Variants in IL36B observed in about 807,000 individuals in gnomAD.
IL36B encodes interleukin 36 beta.
In IL36B, 23 loss-of-function variants were observed where a neutral mutation model predicts 19.3. That is an observed-to-expected ratio of 1.19 (90% CI 0.86 to 1.69). IL36B has a LOEUF of 1.69. Ranked by LOEUF, IL36B falls within the 40% of genes most tolerant of loss-of-function variation. IL36B has a pLI of 0.00. For missense variants in IL36B, 217 were observed against 200.5 expected (o/e 1.08, Z -0.50); for synonymous variants, 59 against 59.7 (o/e 0.99, Z 0.05).
intron 1 of IL36B, among the ~76,000 whole-genome samples, chr2:113,032,644 C>T (rs1685100370): frequency 6.6e-6 from 1 of 152,162 alleles, no homozygotes; most frequent in Admixed American, 6.5e-5. Context: ...GGGTTCTAAG[C>T]AGCAGAAGTT....
intron 1 of IL36B, among the ~76,000 whole-genome samples, chr2:113,034,225 G>C (rs1351929347): frequency 6.6e-6 from 1 of 152,106 alleles, no homozygotes; most frequent in Non-Finnish European, 1.5e-5. Context: ...GGATTCTGCT[G>C]ATTTTCTTGC....
chr2:113,023,478 C>T (rs1385815257), intron 5 of IL36B, among the ~76,000 whole-genome samples: 1 of 152,136 alleles, frequency 6.6e-6, no homozygotes, highest in Non-Finnish European at 1.5e-5. Flanking sequence ...CTGTAATCTG[C>T]AAAATTTAAC....
At chr2:113,027,634 GGGCAT>G in intron 4 of IL36B, 1 of 1,286,072 alleles carries the variant, frequency 7.8e-7, no homozygotes, top group Non-Finnish European at 9.9e-7. Context: ...TGACTAAACT[GGGCAT>G]GGCAGCTGAG....
chr2:113,030,779 C>G (rs1206995520), intron 3 of IL36B, among the ~76,000 whole-genome samples: 1 of 152,154 alleles, frequency 6.6e-6, no homozygotes, highest in Non-Finnish European at 1.5e-5. Flanking sequence ...AGAAGGTTAG[C>G]TGTTGTTTGA....
At chr2:113,042,890 A>G (rs1397627172) in intron 1 of IL36B, among the ~76,000 whole-genome samples, 2 of 151,948 alleles carry the variant, frequency 1.3e-5, no homozygotes, top group Non-Finnish European at 2.9e-5. Context: ...CATTTTCATC[A>G]CTATTATGTG....
At chr2:113,044,014 A>AT (rs1368856421) in intron 1 of IL36B, among the ~76,000 whole-genome samples, 3 of 152,190 alleles carry the variant, frequency 2.0e-5, no homozygotes, top group African/African-American at 7.2e-5. Flanking sequence ...GCCTGCTAGG[A>AT]TTTTGACTGG....
At chr2:113,035,903 G>A (rs1016067639) in intron 1 of IL36B, among the ~76,000 whole-genome samples, 5 of 152,136 alleles carry the variant, frequency 3.3e-5, no homozygotes, top group African/African-American at 1.2e-4. Flanking sequence ...ATTTGGTGGG[G>A]AAGAAATGGT....
chr2:113,036,940 C>T (rs901922900), intron 1 of IL36B, among the ~76,000 whole-genome samples: 7 of 151,180 alleles, frequency 4.6e-5, no homozygotes, highest in East Asian at 1.9e-4. Context: ...TGCGCTGCTC[C>T]GATTCTCCAG....
chr2:113,027,442 G>T, intron 4 of IL36B: 3 of 1,008,738 alleles, frequency 3.0e-6, no homozygotes, highest in Non-Finnish European at 3.6e-6. Context: ...ATTAGGATTA[G>T]AAAGACATGC....
chr2:113,031,080 A>G lies in IL36B; in HGVS notation c.89T>C (p.Ile30Thr). 6.2e-7 allele frequency: 1 copy of G among 1,613,878 alleles called. No individual in the cohort carries two copies. The change falls in exon 3 of 6, where the codon ATA becomes ACA. Residue 30 changes from isoleucine (I) to threonine (T), a missense_variant. Coordinates refer to ENST00000259213, the MANE Select transcript of IL36B (RefSeq NM_014438.5). ...AATGCTGCGGCTAAGAGGAGCTGCT[A>G]TTAAAGAATTTCCACTCAGGACCCA...
chr2:113,033,418 C>A (rs1026141272), intron 1 of IL36B, among the ~76,000 whole-genome samples: 8 of 152,056 alleles, frequency 5.3e-5, no homozygotes, highest in Admixed American at 4.6e-4. Flanking sequence ...TTTTATATTT[C>A]AGTAGAGAAG....
chr2:113,038,493 G>A (rs1041353509), intron 1 of IL36B, among the ~76,000 whole-genome samples: 4 of 152,304 alleles, frequency 2.6e-5, no homozygotes, highest in South Asian at 2.1e-4. Context: ...GTCCAGTTTC[G>A]AAAAGTAAGT....
Position 113,035,434 on chromosome 2 carries a change from T to C in IL36B, c.-57-3668A>G, listed in dbSNP as rs35626718. 3.8e-3 allele frequency among the ~76,000 whole-genome samples: 577 copies of C among 152,206 alleles called. 4 individuals carry two copies. The highest frequency in any genetic ancestry group is 0.013 in the African/African-American group (528 of 41,520). On this transcript the variant is annotated intron_variant, in intron 1 of 5. Coordinates refer to ENST00000259213, the MANE Select transcript of IL36B (RefSeq NM_014438.5). ...CTTTCCTGTGCTTTTTCTTGGCCCC[T>C]AACATCTCAGCACTGGTAGGGGTAC...
intron 3 of IL36B, among the ~76,000 whole-genome samples, chr2:113,030,709 A>G (rs1685057756): frequency 6.6e-6 from 1 of 152,160 alleles, no homozygotes; most frequent in Non-Finnish European, 1.5e-5. Flanking sequence ...AAGATGACGG[A>G]GTTTGAATCT....
At chr2:113,031,196 T>G (rs762281383) in intron 2 of IL36B, 41 bp from the exon 3 acceptor site, 1 of 1,371,868 alleles carries the variant, frequency 7.3e-7, no homozygotes, top group African/African-American at 1.4e-5. Flanking sequence ...CGTGAGGTTA[T>G]CAACTTCAGG....
chr2:113,025,269 A>C (rs1684937100), intron 5 of IL36B, among the ~76,000 whole-genome samples: 1 of 152,174 alleles, frequency 6.6e-6, no homozygotes, highest in Admixed American at 6.5e-5. Flanking sequence ...CAGCCTTTCT[A>C]TGTTTTTCCT....
chr2:113,027,645 C>A (rs1295042453), intron 4 of IL36B: 2 of 1,305,534 alleles, frequency 1.5e-6, no homozygotes, highest in Admixed American at 6.9e-5. Flanking sequence ...GGCATGGCAG[C>A]TGAGTGGATG....
intron 1 of IL36B, among the ~76,000 whole-genome samples, chr2:113,052,493 T>C (rs538671124): frequency 2.0e-5 from 3 of 152,222 alleles, no homozygotes; most frequent in Admixed American, 1.3e-4. Flanking sequence ...TCGTTTTGTC[T>C]TATCAGTTAA....
intron 5 of IL36B, among the ~76,000 whole-genome samples, chr2:113,025,004 C>T (rs564402498): frequency 1.3e-5 from 2 of 152,292 alleles, no homozygotes; most frequent in South Asian, 2.1e-4. Flanking sequence ...CTCTTGTGCC[C>T]CTATGCTGTT....
Sources: gnomAD v4.1 joint callset for allele counts (sites outside exome capture counted in the v4.1 genomes callset) on GRCh38, gnomAD v4.1.1 for gene constraint, MANE v1.5 for transcripts, NCBI Gene and HGNC (gene_info 2026-07-23, HGNC 2026-07-21) for gene names.